Variants in EPB41L5 observed in about 807,000 individuals in gnomAD.
EPB41L5 encodes band 4.1-like protein 5.
EPB41L5 carries 55 observed loss-of-function variants against 106.6 expected under a neutral mutation model. The observed-to-expected ratio is 0.52, with a 90% CI of 0.42 to 0.65. The LOEUF is 0.65. Among genes scored for constraint, EPB41L5 ranks in the 30% least tolerant of loss-of-function variants. The pLI is 0.00. For missense variants in EPB41L5, 871 were observed against 882.1 expected (o/e 0.99, Z 0.16); for synonymous variants, 297 against 306.7 (o/e 0.97, Z 0.33).
At chr2:120,094,641 AG>A (rs1683626198) in intron 14 of EPB41L5, among the ~76,000 whole-genome samples, 1 of 151,956 alleles carries the variant, frequency 6.6e-6, no homozygotes. Context: ...CTGTTTTTCT[AG>A]TATTTAAGGT....
At chr2:120,069,736 T>A (rs1309742074) in intron 3 of EPB41L5, among the ~76,000 whole-genome samples, 1 of 152,014 alleles carries the variant, frequency 6.6e-6, no homozygotes, top group Admixed American at 6.5e-5. Flanking sequence ...ATAATGAAAT[T>A]AAGGCAGAAA....
intron 20 of EPB41L5, among the ~76,000 whole-genome samples, chr2:120,147,625 A>AC: frequency 1.9e-5 from 1 of 51,418 alleles, no homozygotes; most frequent in Non-Finnish European, 4.0e-5. Flanking sequence ...ACTCTGTCTC[A>AC]AAAAAAAAAA....
chr2:120,073,102 A>G (rs1574595563), intron 3 of EPB41L5, 76 bp from the exon 4 acceptor site: 1 of 1,332,434 alleles, frequency 7.5e-7, no homozygotes, highest in Non-Finnish European at 1.1e-6. Context: ...GCACAATGAA[A>G]AGTAACTTTT....
At chr2:120,126,757 C>T (rs530106629) in intron 16 of EPB41L5, among the ~76,000 whole-genome samples, 4 of 152,190 alleles carry the variant, frequency 2.6e-5, no homozygotes, top group African/African-American at 9.6e-5. Context: ...TTTGGCTATT[C>T]TAGCTGCTTT....
rs151237789 is a variant in EPB41L5 at position 120,072,538 on chromosome 2, C to T, written c.286-640C>T. On this transcript the variant is annotated intron_variant, in intron 3 of 24. Transcript: ENST00000263713. ...AAGACTTGGAACCAACCCAAATGCC[C>T]ATCAATGATAGACTGGATAAGGAAA... Among the ~76,000 whole-genome samples, 94 of 152,262 alleles carry T rather than the reference C, an allele frequency of 6.2e-4. 3 individuals carry two copies. The East Asian group carries it at 0.018, about 29-fold the overall frequency.
intron 3 of EPB41L5, among the ~76,000 whole-genome samples, chr2:120,069,709 GA>G (rs774363802): frequency 2.0e-5 from 3 of 152,186 alleles, no homozygotes; most frequent in Non-Finnish European, 4.4e-5. Context: ...ACCTGGTCCT[GA>G]ATGACTACTG....
chr2:120,117,383 T>A (rs1263053778), intron 16 of EPB41L5, among the ~76,000 whole-genome samples: 3 of 152,252 alleles, frequency 2.0e-5, no homozygotes, highest in Non-Finnish European at 4.4e-5. Flanking sequence ...AGTATATAGT[T>A]GAAGTATTGC....
At chr2:120,110,127 C>A (rs1057091873) in intron 16 of EPB41L5, among the ~76,000 whole-genome samples, 2 of 152,220 alleles carry the variant, frequency 1.3e-5, no homozygotes, top group African/African-American at 4.8e-5. Context: ...TTTATTAGAT[C>A]ACAAATGACC....
At chr2:120,071,334 CACAA>C (rs1267476465) in intron 3 of EPB41L5, among the ~76,000 whole-genome samples, 1 of 152,092 alleles carries the variant, frequency 6.6e-6, no homozygotes, top group African/African-American at 2.4e-5. Flanking sequence ...TAAGAGAGGA[CACAA>C]ACAAATGGAA....
At chr2:120,084,948 C>T (rs1296625639) in intron 10 of EPB41L5, among the ~76,000 whole-genome samples, 3 of 152,094 alleles carry the variant, frequency 2.0e-5, no homozygotes, top group Non-Finnish European at 2.9e-5. Flanking sequence ...TGCATCACGT[C>T]GTTCTCATGC....
intron 22 of EPB41L5, 56 bp from the exon 23 acceptor site, chr2:120,167,410 A>C: frequency 1.4e-6 from 2 of 1,422,082 alleles, no homozygotes; most frequent in South Asian, 1.2e-5. Context: ...TATTATAAGT[A>C]TGAAAATAAG....
chr2:120,170,575 A>T (rs1013246641), intron 24 of EPB41L5, among the ~76,000 whole-genome samples: 1 of 152,254 alleles, frequency 6.6e-6, no homozygotes. Flanking sequence ...CTAGCATGCA[A>T]ACTGAGAAAG....
At position 120,167,857 on chromosome 2, in the gene EPB41L5, T is replaced by C; in HGVS notation, c.2005-20T>C. 1 of 1,614,098 alleles carries C rather than the reference T, an allele frequency of 6.2e-7. No individual in the cohort carries two copies. The highest frequency in any genetic ancestry group is 8.5e-7 in the Non-Finnish European group (1 of 1,179,926). Reference sequence around the variant, plus strand: ...CAGGTATTGTTACCCTGTATTTAGTTGTGTGTGTATCTCCCACAGCAGAGT... The same window carrying C: ...CAGGTATTGTTACCCTGTATTTAGTCGTGTGTGTATCTCCCACAGCAGAGT... On this transcript the variant is annotated intron_variant, in intron 23 of 24. Coordinates refer to ENST00000263713, the MANE Select transcript of EPB41L5 (RefSeq NM_020909.4).
intron 3 of EPB41L5, among the ~76,000 whole-genome samples, chr2:120,054,636 G>C (rs1680516321): frequency 6.6e-6 from 1 of 151,774 alleles, no homozygotes. Flanking sequence ...GAAGTACCTG[G>C]GACAACAGGC....
intron 16 of EPB41L5, among the ~76,000 whole-genome samples, chr2:120,107,931 G>T (rs995135151): frequency 2.0e-5 from 3 of 152,130 alleles, no homozygotes; most frequent in African/African-American, 7.2e-5. Context: ...AGCACTTTGG[G>T]CTGGTGAGAA....
intron 16 of EPB41L5, among the ~76,000 whole-genome samples, chr2:120,116,319 C>T (rs1481384977): frequency 6.6e-6 from 1 of 152,182 alleles, no homozygotes; most frequent in Non-Finnish European, 1.5e-5. Context: ...CCAGTATTCT[C>T]ATCATTTCAT....
intron 3 of EPB41L5, among the ~76,000 whole-genome samples, chr2:120,051,628 G>A (rs1680293606): frequency 6.6e-6 from 1 of 152,232 alleles, no homozygotes; most frequent in Non-Finnish European, 1.5e-5. Context: ...GGAATTCCCT[G>A]ACTCCTTGCG....
chr2:120,046,156 C>T (rs1298285336), intron 3 of EPB41L5, among the ~76,000 whole-genome samples: 1 of 152,140 alleles, frequency 6.6e-6, no homozygotes, highest in Non-Finnish European at 1.5e-5. Context: ...ATGTATAATC[C>T]TTTGAGTATA....
At chr2:120,046,342 G>C (rs568776200) in intron 3 of EPB41L5, among the ~76,000 whole-genome samples, 13 of 151,950 alleles carry the variant, frequency 8.6e-5, no homozygotes, top group African/African-American at 3.1e-4. Flanking sequence ...TTTTAATGAC[G>C]GTCATTCTAA....
Sources: gnomAD v4.1 joint callset for allele counts (sites outside exome capture counted in the v4.1 genomes callset) on GRCh38, gnomAD v4.1.1 for gene constraint, MANE v1.5 for transcripts, NCBI Gene and HGNC (gene_info 2026-07-23, HGNC 2026-07-21) for gene names.